RBKS: variants seen among roughly 807,000 people sequenced by gnomAD.
The protein encoded by RBKS is ribokinase.
RBKS carries 33 observed loss-of-function variants against 33.9 expected under a neutral mutation model. The ratio of observed to expected loss-of-function variants is 0.97; its 90% CI spans 0.74 to 1.30. The LOEUF (loss-of-function observed/expected upper bound fraction) is 1.30. Among genes scored for constraint, RBKS ranks in the 50% most tolerant of loss-of-function variants. RBKS has a pLI of 0.00. For synonymous variants in RBKS, 125 were observed against 143.0 expected, an observed-to-expected ratio of 0.87 and a Z score of 0.90; for missense variants, 361 against 392.6, an observed-to-expected ratio of 0.92 and a Z score of 0.68.
At chr2:27,873,802 C>T (rs915266673) in intron 1 of RBKS, among the ~76,000 whole-genome samples, 1 of 151,792 alleles carries the variant, frequency 6.6e-6, no homozygotes, top group Non-Finnish European at 1.5e-5. Flanking sequence ...CAAGCCAGTA[C>T]CTAATATGTG....
chr2:27,865,117 A>G (rs538425930), intron 1 of RBKS, among the ~76,000 whole-genome samples: 152 of 152,236 alleles, frequency 1.0e-3, no homozygotes, highest in African/African-American at 3.3e-3. Context: ...TCAGGAGATC[A>G]AGACCATCCT....
intron 1 of RBKS, among the ~76,000 whole-genome samples, chr2:27,881,264 G>A (rs1333627568): frequency 6.8e-6 from 1 of 146,820 alleles, no homozygotes; most frequent in African/African-American, 2.5e-5. Flanking sequence ...AATAAGGCCA[G>A]GCACAGTGGC....
chr2:27,888,904 T>G (rs866249869), intron 1 of RBKS, among the ~76,000 whole-genome samples: 7 of 152,354 alleles, frequency 4.6e-5, no homozygotes, highest in African/African-American at 1.7e-4. Context: ...TACAGGCCTC[T>G]TCAACAAATG....
At chr2:27,782,719 T>C (rs1677312080) in intron 7 of RBKS, 1 of 389,878 alleles carries the variant, frequency 2.6e-6, no homozygotes, top group African/African-American at 2.1e-5. Context: ...GTTTCTCCAC[T>C]GTAAAGTTAC....
chr2:27,802,382 G>A (rs1277454454), intron 7 of RBKS, among the ~76,000 whole-genome samples: 2 of 151,694 alleles, frequency 1.3e-5, no homozygotes, highest in Non-Finnish European at 2.9e-5. Context: ...TTCAGTTTAC[G>A]GTTGGTTTAT....
In RBKS at chr2:27,883,011, T is replaced by A. The variant is rs988049949; in HGVS notation, c.89+7246A>T. Among the ~76,000 whole-genome samples the A allele has an allele frequency of 1.1e-4, 17 of 151,396 alleles. No homozygotes were observed. The South Asian group carries it at 1.3e-3, about 11-fold the overall frequency. ...TAATACCTGGGTGACAAAAAAAAAA[T>A]AATAATGCCTGGGTACAACAAACCC... On this transcript the variant is annotated intron_variant, in intron 1 of 7. Coordinates refer to ENST00000302188, the MANE Select transcript of RBKS (RefSeq NM_022128.3).
chr2:27,802,796 G>A (rs919453748), intron 7 of RBKS, among the ~76,000 whole-genome samples: 14 of 152,120 alleles, frequency 9.2e-5, no homozygotes, highest in African/African-American at 2.9e-4. Context: ...CTCAACCCCT[G>A]GAGTGAGGAA....
intron 4 of RBKS, among the ~76,000 whole-genome samples, chr2:27,846,266 C>T (rs1251985221): frequency 6.6e-6 from 1 of 152,212 alleles, no homozygotes; most frequent in Non-Finnish European, 1.5e-5. Flanking sequence ...CTACGCTCAG[C>T]CTCTGTTTTA....
chr2:27,864,815 C>G (rs533326698), intron 1 of RBKS, among the ~76,000 whole-genome samples: 27 of 152,214 alleles, frequency 1.8e-4, no homozygotes, highest in African/African-American at 6.5e-4. Flanking sequence ...TCACACACAG[C>G]TGCTGCTCCT....
intron 7 of RBKS, among the ~76,000 whole-genome samples, chr2:27,800,338 G>C (rs899463494): frequency 6.6e-6 from 1 of 152,060 alleles, no homozygotes; most frequent in African/African-American, 2.4e-5. Flanking sequence ...GGACAATGCA[G>C]TAAATGGTTT....
At chr2:27,889,050 TCTC>T (rs1460362984) in intron 1 of RBKS, among the ~76,000 whole-genome samples, 2 of 152,262 alleles carry the variant, frequency 1.3e-5, no homozygotes, top group African/African-American at 4.8e-5. Flanking sequence ...TGTTGCTTCT[TCTC>T]GTTACACAGT....
chr2:27,849,194 T>G (rs930425422), intron 2 of RBKS, among the ~76,000 whole-genome samples: 1 of 152,182 alleles, frequency 6.6e-6, no homozygotes, highest in African/African-American at 2.4e-5. Flanking sequence ...ACATTCTTTT[T>G]AAAAATTTTA....
At chr2:27,801,126 T>G (rs111664499) in intron 7 of RBKS, among the ~76,000 whole-genome samples, 1,929 of 152,192 alleles carry the variant, frequency 0.013, 36 homozygotes, top group African/African-American at 0.044. Flanking sequence ...GGAGAGGAGA[T>G]GTAGCAGAGG....
chr2:27,860,828 C>T (rs1166197834), intron 1 of RBKS, among the ~76,000 whole-genome samples: 5 of 152,202 alleles, frequency 3.3e-5, no homozygotes, highest in Admixed American at 3.3e-4. Flanking sequence ...TGTAGACTTT[C>T]CCTGCATGAG....
intron 7 of RBKS, among the ~76,000 whole-genome samples, chr2:27,817,251 G>C (rs1042013023): frequency 6.6e-6 from 1 of 152,196 alleles, no homozygotes; most frequent in African/African-American, 2.4e-5. Flanking sequence ...TAAAAAGCTG[G>C]TTTGTGAATG....
At chr2:27,821,154 A>T (rs1678197313) in intron 7 of RBKS, among the ~76,000 whole-genome samples, 1 of 151,510 alleles carries the variant, frequency 6.6e-6, no homozygotes, top group South Asian at 2.1e-4. Flanking sequence ...TTGTTTTGTG[A>T]TCTATTTGGA....
At chr2:27,815,724 C>T (rs891482367) in intron 7 of RBKS, among the ~76,000 whole-genome samples, 5 of 152,122 alleles carry the variant, frequency 3.3e-5, no homozygotes, top group African/African-American at 4.8e-5. Flanking sequence ...GGGGCTTAGA[C>T]GTAGGAAGCT....
chr2:27,805,426 C>A (rs973312737), intron 7 of RBKS, among the ~76,000 whole-genome samples: 2 of 152,168 alleles, frequency 1.3e-5, no homozygotes, highest in Non-Finnish European at 2.9e-5. Flanking sequence ...TTAGGACAGA[C>A]CCTTGCACTG....
chr2:27,826,529 C>T (rs1678316845), intron 7 of RBKS, among the ~76,000 whole-genome samples: 2 of 151,956 alleles, frequency 1.3e-5, no homozygotes, highest in Admixed American at 1.3e-4. Flanking sequence ...CTGCCTCAGC[C>T]CCCCAAGTAG....
Sources: gnomAD v4.1 joint callset for allele counts (sites outside exome capture counted in the v4.1 genomes callset) on GRCh38, gnomAD v4.1.1 for gene constraint, MANE v1.5 for transcripts, NCBI Gene and HGNC (gene_info 2026-07-23, HGNC 2026-07-21) for gene names.